Variants in ANGPT1 observed in about 807,000 individuals in gnomAD.
The protein encoded by ANGPT1 is angiopoietin 1, also known as angiopoietin-1.
A neutral mutation model predicts 62.2 loss-of-function variants in ANGPT1; 17 were observed. That is an observed-to-expected ratio of 0.27 (90% CI 0.19 to 0.41). The LOEUF is 0.41. Among genes scored for constraint, ANGPT1 ranks in the 10% least tolerant of loss-of-function variants. The probability of loss-of-function intolerance (pLI) is 1.00; values close to 1 mark genes in which losing one functional copy is unlikely to be tolerated. For missense variants in ANGPT1, 478 were observed against 594.9 expected (o/e 0.80, Z 2.04); for synonymous variants, 199 against 198.9 (o/e 1.00, Z 0.00).
At chr8:107,425,785 T>C (rs1310390243) in intron 1 of ANGPT1, among the ~76,000 whole-genome samples, 2 of 152,108 alleles carry the variant, frequency 1.3e-5, no homozygotes, top group African/African-American at 2.4e-5. Flanking sequence ...AAATATGAAA[T>C]GGTTTCCAAG....
intron 7 of ANGPT1, among the ~76,000 whole-genome samples, chr8:107,273,343 T>G (rs1188574475): frequency 6.6e-6 from 1 of 152,066 alleles, no homozygotes; most frequent in Admixed American, 6.6e-5. Flanking sequence ...ATACTTTCCC[T>G]TGTTGTACTT....
intron 2 of ANGPT1, among the ~76,000 whole-genome samples, chr8:107,345,077 A>G (rs1815774637): frequency 6.6e-6 from 1 of 152,212 alleles, no homozygotes; most frequent in Non-Finnish European, 1.5e-5. Context: ...AAAAACACAT[A>G]GGCGTCACTT....
chr8:107,335,739 C>A (rs1308816004), intron 3 of ANGPT1, among the ~76,000 whole-genome samples: 2 of 152,130 alleles, frequency 1.3e-5, no homozygotes, highest in Non-Finnish European at 2.9e-5. Flanking sequence ...AACGCTGTAG[C>A]TTTGTAAAAG....
At chr8:107,272,170 G>A (rs1167605173) in intron 7 of ANGPT1, among the ~76,000 whole-genome samples, 1 of 152,026 alleles carries the variant, frequency 6.6e-6, no homozygotes, top group African/African-American at 2.4e-5. Context: ...TTTGGAATAT[G>A]TGTAATGGAA....
At chr8:107,370,300 A>C (rs10955453) in intron 1 of ANGPT1, among the ~76,000 whole-genome samples, 2,161 of 26,058 alleles carry the variant, frequency 0.083, 303 homozygotes, top group Middle Eastern at 0.14. Flanking sequence ...AGGAAAGAAG[A>C]AAGAAAGAAG....
intron 6 of ANGPT1, among the ~76,000 whole-genome samples, chr8:107,289,586 A>G (rs887097753): frequency 6.6e-6 from 1 of 152,198 alleles, no homozygotes; most frequent in Non-Finnish European, 1.5e-5. Flanking sequence ...CTCAAGAAAG[A>G]CTGAAACAAA....
chr8:107,334,192 A>T (rs1171391988), intron 3 of ANGPT1, among the ~76,000 whole-genome samples: 4 of 152,110 alleles, frequency 2.6e-5, no homozygotes, highest in Non-Finnish European at 5.9e-5. Flanking sequence ...CAAGGGTCAG[A>T]TACAGACAAA....
intron 1 of ANGPT1, among the ~76,000 whole-genome samples, chr8:107,479,982 C>T (rs1045531915): frequency 6.6e-6 from 1 of 152,098 alleles, no homozygotes; most frequent in Non-Finnish European, 1.5e-5. Flanking sequence ...TGAGAATAGA[C>T]AGAGGCAATA....
chr8:107,414,069 G>T (rs924822257), intron 1 of ANGPT1, among the ~76,000 whole-genome samples: 2 of 152,108 alleles, frequency 1.3e-5, no homozygotes, highest in Non-Finnish European at 2.9e-5. Flanking sequence ...ATTGCAGAGG[G>T]CCCTTGATCC....
intron 1 of ANGPT1, among the ~76,000 whole-genome samples, chr8:107,490,861 A>G (rs1244593596): frequency 6.6e-6 from 1 of 152,242 alleles, no homozygotes; most frequent in African/African-American, 2.4e-5. Flanking sequence ...TCTTCAATAA[A>G]GCTTTATTTA....
intron 4 of ANGPT1, among the ~76,000 whole-genome samples, chr8:107,304,449 C>A (rs1814667320): frequency 6.6e-6 from 1 of 151,624 alleles, no homozygotes; most frequent in African/African-American, 2.4e-5. Flanking sequence ...CAATAAATAT[C>A]TGCATTCAAA....
chr8:107,388,433 AAATAAAT>A (rs1306938854), intron 1 of ANGPT1, among the ~76,000 whole-genome samples: 4 of 45,242 alleles, frequency 8.8e-5, no homozygotes, highest in Non-Finnish European at 2.6e-4. Flanking sequence ...TTTTTAATAA[AAATAAAT>A]AAATAAATAA....
chr8:107,420,638 C>T lies in ANGPT1; in HGVS notation c.298-73541G>A, dbSNP rs979876180. On this transcript the variant is annotated intron_variant, in intron 1 of 8. Transcript: ENST00000517746. Reference sequence around the variant, plus strand: ...ATATATATAATACTCTCCTTATCAACCCTGGAGAAAATGAGAATTGGCCAA... The same window carrying T: ...ATATATATAATACTCTCCTTATCAATCCTGGAGAAAATGAGAATTGGCCAA... Among the ~76,000 whole-genome samples the T allele has an allele frequency of 4.6e-5, 7 of 152,022 alleles. No homozygotes were observed. The South Asian group carries it at 1.4e-3, about 31-fold the overall frequency.
At chr8:107,317,630 T>TA (rs1563566067) in intron 4 of ANGPT1, among the ~76,000 whole-genome samples, 1 of 47,756 alleles carries the variant, frequency 2.1e-5, no homozygotes, top group Non-Finnish European at 3.6e-5. Flanking sequence ...TTATTTTTAT[T>TA]TTTATTTTTT....
At chr8:107,381,710 G>A (rs1337377617) in intron 1 of ANGPT1, among the ~76,000 whole-genome samples, 2 of 152,174 alleles carry the variant, frequency 1.3e-5, no homozygotes. Flanking sequence ...AAGCAAACTG[G>A]AACAATTTTC....
chr8:107,324,187 G>GTGTATATGTA (rs1815227560), intron 3 of ANGPT1, among the ~76,000 whole-genome samples: 3 of 105,996 alleles, frequency 2.8e-5, no homozygotes, highest in South Asian at 6.5e-4. Flanking sequence ...GTGTGTGTGT[G>GTGTATATGTA]TATATATGTA....
intron 1 of ANGPT1, among the ~76,000 whole-genome samples, chr8:107,395,721 T>C (rs1314156256): frequency 6.6e-6 from 1 of 152,186 alleles, no homozygotes; most frequent in Non-Finnish European, 1.5e-5. Flanking sequence ...ATGTATGTGT[T>C]TCTTTGAAGC....
intron 1 of ANGPT1, among the ~76,000 whole-genome samples, chr8:107,464,645 G>A (rs1812155840): frequency 6.6e-6 from 1 of 152,072 alleles, no homozygotes; most frequent in South Asian, 2.1e-4. Flanking sequence ...TATGACGTTG[G>A]ACAATTTCCT....
intron 3 of ANGPT1, among the ~76,000 whole-genome samples, chr8:107,327,104 A>G (rs1815307778): frequency 6.6e-6 from 1 of 152,090 alleles, no homozygotes; most frequent in Admixed American, 6.6e-5. Context: ...TATCTTTCCC[A>G]CGTATAAAAA....
Sources: allele counts gnomAD v4.1 joint callset (sites outside exome capture counted in the v4.1 genomes callset), GRCh38; gene constraint gnomAD v4.1.1; transcripts MANE v1.5; gene names NCBI Gene and HGNC (gene_info 2026-07-23, HGNC 2026-07-21).